The following ARL15 variants were observed in gnomAD, a reference collection of about 807,000 sequenced individuals.
ARL15 encodes ARF like GTPase 15.
ARL15 carries 19 observed loss-of-function variants against 25.2 expected under a neutral mutation model. The observed-to-expected ratio is 0.75, with a 90% CI of 0.53 to 1.10. The LOEUF (loss-of-function observed/expected upper bound fraction) is 1.10. Among genes scored for constraint, ARL15 ranks in the 50% least tolerant of loss-of-function variants. The pLI, the probability that ARL15 is intolerant of heterozygous loss-of-function variation, is 0.00. For synonymous variants in ARL15, 94 were observed against 86.8 expected (o/e 1.08, Z -0.46); for missense variants, 220 against 246.0 (o/e 0.89, Z 0.71).
At chr5:54,190,903 C>T (rs1755379289) in intron 1 of ARL15, among the ~76,000 whole-genome samples, 1 of 152,008 alleles carries the variant, frequency 6.6e-6, no homozygotes, top group South Asian at 2.1e-4. Flanking sequence ...TATGGCAGTA[C>T]CTCAAAAAAT....
chr5:54,222,260 A>G (rs1414087636), intron 1 of ARL15, among the ~76,000 whole-genome samples: 1 of 152,236 alleles, frequency 6.6e-6, no homozygotes, highest in African/African-American at 2.4e-5. Context: ...AAAAAGTGAT[A>G]CTGATTATTT....
intron 3 of ARL15, among the ~76,000 whole-genome samples, chr5:54,118,056 T>C (rs1033162986): frequency 1.3e-5 from 2 of 152,124 alleles, no homozygotes; most frequent in African/African-American, 4.8e-5. Context: ...AAACCATGCA[T>C]AGATAAAAAA....
chr5:54,200,408 T>C (rs1376253531), intron 1 of ARL15, among the ~76,000 whole-genome samples: 1 of 151,742 alleles, frequency 6.6e-6, no homozygotes, highest in African/African-American at 2.4e-5. Flanking sequence ...CAAGTCCTCA[T>C]CGGAGGCACT....
At chr5:54,040,760 G>T (rs1475806347) in intron 4 of ARL15, among the ~76,000 whole-genome samples, 1 of 152,146 alleles carries the variant, frequency 6.6e-6, no homozygotes, top group Admixed American at 6.5e-5. Flanking sequence ...AAAAAAGAGG[G>T]AGGGAAATTG....
intron 1 of ARL15, among the ~76,000 whole-genome samples, chr5:54,296,769 C>A (rs528599976): frequency 1.3e-5 from 2 of 152,346 alleles, no homozygotes; most frequent in African/African-American, 4.8e-5. Flanking sequence ...GTCTAACAGG[C>A]CTCACTGTCT....
chr5:53,961,638 T>C (rs993018592), intron 4 of ARL15, among the ~76,000 whole-genome samples: 2 of 151,980 alleles, frequency 1.3e-5, no homozygotes, highest in African/African-American at 4.8e-5. Context: ...GAAGTGAACA[T>C]TAAATTTTAA....
intron 4 of ARL15, among the ~76,000 whole-genome samples, chr5:54,091,749 C>T (rs774904931): frequency 5.3e-5 from 8 of 150,546 alleles, no homozygotes; most frequent in Non-Finnish European, 1.0e-4. Flanking sequence ...AATGGCTGAG[C>T]AAGACTTGAG....
At chr5:54,181,209 AAAAAATAAATGTTTCTTTT>A (rs1335725538) in intron 1 of ARL15, among the ~76,000 whole-genome samples, 1 of 152,204 alleles carries the variant, frequency 6.6e-6, no homozygotes, top group Admixed American at 6.5e-5. Context: ...AAACTAAGTA[AAAAAATAAATGTTTCTTTT>A]AAAAAAATCT....
At chr5:54,007,277 C>T (rs1398430462) in intron 4 of ARL15, among the ~76,000 whole-genome samples, 1 of 152,126 alleles carries the variant, frequency 6.6e-6, no homozygotes, top group African/African-American at 2.4e-5. Context: ...CAGTTTTATG[C>T]ACTTTTGTAA....
chr5:54,245,335 A>G (rs1757061502), intron 1 of ARL15, among the ~76,000 whole-genome samples: 1 of 152,256 alleles, frequency 6.6e-6, no homozygotes, highest in Non-Finnish European at 1.5e-5. Context: ...GGCAGAAATC[A>G]GACTTCAGTG....
chr5:54,180,032 A>G (rs1456335973), intron 1 of ARL15, among the ~76,000 whole-genome samples: 2 of 151,880 alleles, frequency 1.3e-5, no homozygotes, highest in African/African-American at 2.4e-5. Flanking sequence ...AAAAAAAAAA[A>G]AAAAAGAGAA....
intron 4 of ARL15, among the ~76,000 whole-genome samples, chr5:53,996,221 A>T (rs1748665375): frequency 6.6e-6 from 1 of 152,178 alleles, no homozygotes; most frequent in African/African-American, 2.4e-5. Context: ...ATTGCAGACT[A>T]GTGTCTCCTG....
chr5:53,963,761 T>C (rs1747448050), intron 4 of ARL15, among the ~76,000 whole-genome samples: 1 of 149,824 alleles, frequency 6.7e-6, no homozygotes, highest in African/African-American at 2.5e-5. Context: ...TGAGCCAAAA[T>C]TGTGCCATTG....
rs564696254 is a variant in ARL15 at position 54,133,478 on chromosome 5, G to C, written c.254-20068C>G. 2.0e-5 allele frequency among the ~76,000 whole-genome samples: 3 copies of C among 152,134 alleles called. No homozygotes were observed. The South Asian group carries it at 6.2e-4, about 32-fold the overall frequency. The stretch of plus-strand genomic sequence containing the variant: ...ACAAGTATTATCCATGGCCAAATAC[G>C]TGATTTGTCCAGTCTTGGTAGCAGG... On this transcript the variant is annotated intron_variant, in intron 3 of 4. Transcript: ENST00000504924.
chr5:53,981,051 G>A (rs562380246), intron 4 of ARL15, among the ~76,000 whole-genome samples: 2 of 152,210 alleles, frequency 1.3e-5, no homozygotes, highest in East Asian at 1.9e-4. Flanking sequence ...GAAGGAACCC[G>A]ACTGCACAGG....
intron 4 of ARL15, among the ~76,000 whole-genome samples, chr5:54,001,818 T>C (rs891058951): frequency 2.0e-5 from 3 of 152,228 alleles, no homozygotes; most frequent in Non-Finnish European, 4.4e-5. Context: ...TACTGGCCTC[T>C]GGCAATCCAA....
chr5:53,981,483 G>GAT (rs1311639308), intron 4 of ARL15, among the ~76,000 whole-genome samples: 2 of 152,296 alleles, frequency 1.3e-5, no homozygotes, highest in South Asian at 4.1e-4. Flanking sequence ...GCAAGCAACT[G>GAT]ATACTCTGTG....
At position 54,231,952 on chromosome 5, in the gene ARL15, C is replaced by G. The variant is rs113392221; in HGVS notation, c.49-60024G>C. ...GGGGAGACACAATTCAGTCCATACT[C>G]CCTCTCCAATCTCAAGTGAAGGCCT... On this transcript the variant is annotated intron_variant, in intron 1 of 4. Coordinates refer to ENST00000504924, the MANE Select transcript of ARL15 (RefSeq NM_019087.3). 2.2e-3 allele frequency among the ~76,000 whole-genome samples: 338 copies of G among 152,278 alleles called. 2 individuals carry two copies. The Middle Eastern group carries it at 0.054, about 25-fold the overall frequency.
chr5:54,031,991 T>C (rs1479328611), intron 4 of ARL15, among the ~76,000 whole-genome samples: 33 of 152,210 alleles, frequency 2.2e-4, no homozygotes, highest in Admixed American at 2.2e-3. Flanking sequence ...TTAAATAATA[T>C]ATAATTGGCA....
Sources: allele counts gnomAD v4.1 joint callset (sites outside exome capture counted in the v4.1 genomes callset), GRCh38; gene constraint gnomAD v4.1.1; transcripts MANE v1.5; gene names NCBI Gene and HGNC (gene_info 2026-07-23, HGNC 2026-07-21).